SNTB1: variants seen among roughly 807,000 people sequenced by gnomAD.
The protein encoded by SNTB1 is beta-1-syntrophin.
Under a neutral mutation model 48.9 loss-of-function variants are expected in SNTB1, and 36 were observed. The ratio of observed to expected loss-of-function variants is 0.74; its 90% CI spans 0.56 to 0.97. SNTB1 has a LOEUF of 0.97. Ranked by LOEUF, SNTB1 falls within the 50% of genes least tolerant of loss-of-function variation. The pLI, the probability that SNTB1 is intolerant of heterozygous loss-of-function variation, is 0.00. For missense variants in SNTB1, 786 were observed against 703.4 expected (o/e 1.12, Z -1.33); for synonymous variants, 299 against 294.6 (o/e 1.01, Z -0.15).
intron 2 of SNTB1, among the ~76,000 whole-genome samples, chr8:120,664,673 G>A (rs4870742): frequency 0.54 from 82,241 of 152,040 alleles, 22,822 homozygotes; most frequent in East Asian, 0.7. Flanking sequence ...TTCACCCTTC[G>A]ATGGGAAAGT....
chr8:120,548,876 C>G lies in SNTB1; in HGVS notation c.1219G>C (p.Gly407Arg). 6.2e-7 allele frequency: 1 copy of G among 1,613,936 alleles called. No homozygotes were observed. Among genetic ancestry groups the G allele is most frequent in the Non-Finnish European group, 8.5e-7 (1 of 1,179,914 alleles). Residue 407 changes from glycine to arginine, a missense_variant, in exon 5 of 7, where the codon GGG becomes CGG. Physicochemically the swap from Gly to Arg is moderately radical, Grantham distance 125 (BLOSUM62 -2). Coordinates refer to ENST00000517992, the MANE Select transcript of SNTB1 (RefSeq NM_021021.4). Reference sequence around the variant, plus strand: ...GCTCTGAAGAGATGTGTTTCAATCCCTTGCCTGGTACCAGTTCGCGTTGCA... The same window carrying G: ...GCTCTGAAGAGATGTGTTTCAATCCGTTGCCTGGTACCAGTTCGCGTTGCA... ...SFATRTGTRQ[G>R]IETHLFRAET...
intron 2 of SNTB1, among the ~76,000 whole-genome samples, chr8:120,671,582 G>A (rs756774920): frequency 6.6e-6 from 1 of 152,224 alleles, no homozygotes; most frequent in Non-Finnish European, 1.5e-5. Context: ...TAGAGGCTTC[G>A]AAGTGGTACC....
At chr8:120,604,228 C>T (rs1208225612) in intron 3 of SNTB1, among the ~76,000 whole-genome samples, 1 of 152,088 alleles carries the variant, frequency 6.6e-6, no homozygotes, top group African/African-American at 2.4e-5. Context: ...TTTTGATATC[C>T]CCTTGGCGTC....
intron 4 of SNTB1, among the ~76,000 whole-genome samples, chr8:120,553,920 C>T (rs557766659): frequency 1.6e-4 from 25 of 152,120 alleles, no homozygotes; most frequent in Non-Finnish European, 2.1e-4. Flanking sequence ...ATCGCTTGAA[C>T]CCAGGAGGCA....
intron 3 of SNTB1, among the ~76,000 whole-genome samples, chr8:120,622,370 T>C (rs1816807964): frequency 6.6e-6 from 1 of 152,176 alleles, no homozygotes; most frequent in Non-Finnish European, 1.5e-5. Context: ...ACTGACTTGC[T>C]AAACCAGAAA....
chr8:120,632,691 C>A, intron 2 of SNTB1, 40 bp from the exon 3 acceptor site: 1 of 1,569,946 alleles, frequency 6.4e-7, no homozygotes, highest in Non-Finnish European at 8.8e-7. Flanking sequence ...AGTTTCCTGG[C>A]AGGTCCTGCT....
At chr8:120,584,560 C>T (rs1022773938) in intron 3 of SNTB1, among the ~76,000 whole-genome samples, 8 of 150,766 alleles carry the variant, frequency 5.3e-5, no homozygotes, top group African/African-American at 9.8e-5. Flanking sequence ...TAAAAATCTA[C>T]GTGACAGGGA....
chr8:120,558,928 A>G (rs1478046300), intron 4 of SNTB1, among the ~76,000 whole-genome samples: 1 of 152,230 alleles, frequency 6.6e-6, no homozygotes, highest in Non-Finnish European at 1.5e-5. Context: ...CACCTAGAAC[A>G]GTTCTAGGCA....
At chr8:120,754,439 G>C (rs941935839) in intron 1 of SNTB1, among the ~76,000 whole-genome samples, 19 of 152,082 alleles carry the variant, frequency 1.2e-4, no homozygotes, top group Non-Finnish European at 2.8e-4. Flanking sequence ...AGCTGTGATT[G>C]TGCCACTGCA....
At chr8:120,712,565 T>A (rs1372436194) in intron 1 of SNTB1, among the ~76,000 whole-genome samples, 1 of 152,192 alleles carries the variant, frequency 6.6e-6, no homozygotes, top group Non-Finnish European at 1.5e-5. Context: ...ATGCATTTTT[T>A]ATATGATGAT....
At chr8:120,733,888 C>T (rs899585070) in intron 1 of SNTB1, among the ~76,000 whole-genome samples, 12 of 152,180 alleles carry the variant, frequency 7.9e-5, no homozygotes, top group Admixed American at 2.6e-4. Context: ...GACTTTCTCA[C>T]GGTATTGTAA....
At chr8:120,588,249 T>A (rs144841246) in intron 3 of SNTB1, among the ~76,000 whole-genome samples, 21 of 152,106 alleles carry the variant, frequency 1.4e-4, no homozygotes, top group Middle Eastern at 3.4e-3. Context: ...GGCCTCAACA[T>A]CACACCAACA....
intron 1 of SNTB1, among the ~76,000 whole-genome samples, chr8:120,711,808 C>CA: frequency 6.6e-6 from 1 of 152,048 alleles, no homozygotes; most frequent in African/African-American, 2.4e-5. Context: ...GAGCAGAACC[C>CA]AAAAAACAAA....
intron 3 of SNTB1, among the ~76,000 whole-genome samples, chr8:120,590,094 C>T (rs1010695949): frequency 6.6e-5 from 10 of 152,216 alleles, no homozygotes; most frequent in African/African-American, 2.4e-4. Flanking sequence ...TATGGACAGG[C>T]TCATCCTACA....
chr8:120,571,211 C>T (rs1333635261), intron 4 of SNTB1: 14 of 1,258,718 alleles, frequency 1.1e-5, no homozygotes, highest in East Asian at 1.1e-4. Context: ...CAGAAACTAC[C>T]TTATTTCAAC....
At chr8:120,650,691 G>C (rs1422832742) in intron 2 of SNTB1, among the ~76,000 whole-genome samples, 2 of 152,106 alleles carry the variant, frequency 1.3e-5, no homozygotes, top group East Asian at 3.8e-4. Flanking sequence ...TCAGATACAC[G>C]CATTTTGACC....
At chr8:120,696,646 T>C (rs1818215020) in intron 1 of SNTB1, among the ~76,000 whole-genome samples, 2 of 152,204 alleles carry the variant, frequency 1.3e-5, no homozygotes, top group South Asian at 4.1e-4. Context: ...CTTTCAGACC[T>C]GCTAGAAAGA....
intron 3 of SNTB1, among the ~76,000 whole-genome samples, chr8:120,614,007 G>A (rs943584903): frequency 6.6e-6 from 1 of 152,162 alleles, no homozygotes; most frequent in African/African-American, 2.4e-5. Flanking sequence ...GGATGCAGGA[G>A]CTCAGAGAGA....
intron 2 of SNTB1, among the ~76,000 whole-genome samples, chr8:120,667,865 G>A (rs917599447): frequency 6.6e-6 from 1 of 152,124 alleles, no homozygotes; most frequent in South Asian, 2.1e-4. Flanking sequence ...TTCCATAGAG[G>A]TGAGGCCCTT....
Sources: allele counts gnomAD v4.1 joint callset (sites outside exome capture counted in the v4.1 genomes callset), GRCh38; gene constraint gnomAD v4.1.1; transcripts MANE v1.5; gene names NCBI Gene and HGNC (gene_info 2026-07-23, HGNC 2026-07-21).